The following WASF2 variants were observed in gnomAD, a reference collection of about 807,000 sequenced individuals.
WASF2 encodes the protein actin-binding protein WASF2.
WASF2 carries 14 observed loss-of-function variants against 45.0 expected under a neutral mutation model. That is an observed-to-expected ratio of 0.31 (90% CI 0.21 to 0.49). WASF2 has a LOEUF of 0.49. Among genes scored for constraint, WASF2 ranks in the 20% least tolerant of loss-of-function variants. WASF2 has a pLI of 0.99. For missense variants in WASF2, 439 were observed against 636.1 expected (o/e 0.69, Z 3.33); for synonymous variants, 200 against 236.3 (o/e 0.85, Z 1.41).
At chr1:27,448,064 C>T (rs1223024824) in intron 1 of WASF2, among the ~76,000 whole-genome samples, 4 of 152,190 alleles carry the variant, frequency 2.6e-5, no homozygotes, top group Non-Finnish European at 2.9e-5. Context: ...ACACACCCCG[C>T]GGGAGGATGG....
At chr1:27,411,906 C>CT (rs2016766025) in intron 7 of WASF2, among the ~76,000 whole-genome samples, 4 of 152,140 alleles carry the variant, frequency 2.6e-5, no homozygotes, top group Admixed American at 2.6e-4. Flanking sequence ...AAGGAAAAAA[C>CT]AAGAAAGAAG....
intron 1 of WASF2, among the ~76,000 whole-genome samples, chr1:27,454,312 T>C (rs937555206): frequency 2.0e-5 from 3 of 150,536 alleles, no homozygotes; most frequent in African/African-American, 7.3e-5. Flanking sequence ...TACTTCAGCC[T>C]CCTGAGTAGC....
intron 5 of WASF2, among the ~76,000 whole-genome samples, chr1:27,415,449 C>A (rs1384868690): frequency 1.3e-5 from 2 of 152,210 alleles, no homozygotes; most frequent in African/African-American, 4.8e-5. Flanking sequence ...GGCCTCCTGG[C>A]AGCCATGCTA....
At chr1:27,471,673 C>CA (rs1170624041) in intron 1 of WASF2, among the ~76,000 whole-genome samples, 4 of 150,944 alleles carry the variant, frequency 2.6e-5, no homozygotes, top group Admixed American at 6.6e-5. Context: ...AATACAAAAG[C>CA]AAAAAAAAGA....
chr1:27,486,842 C>G (rs1350032166), intron 1 of WASF2, among the ~76,000 whole-genome samples: 1 of 151,318 alleles, frequency 6.6e-6, no homozygotes, highest in Non-Finnish European at 1.5e-5. Flanking sequence ...GAGAATCGCC[C>G]GAACCTGGGA....
At chr1:27,470,589 A>C (rs561139648) in intron 1 of WASF2, among the ~76,000 whole-genome samples, 140 of 151,976 alleles carry the variant, frequency 9.2e-4, no homozygotes, top group Non-Finnish European at 1.8e-3. Flanking sequence ...ATAGTGTTCA[A>C]TAAATGACTG....
chr1:27,429,943 A>G (rs1179167297), intron 1 of WASF2, among the ~76,000 whole-genome samples: 1 of 152,102 alleles, frequency 6.6e-6, no homozygotes, highest in Non-Finnish European at 1.5e-5. Context: ...TTTCTCTTCT[A>G]CCCAACAGCT....
intron 1 of WASF2, among the ~76,000 whole-genome samples, chr1:27,442,801 G>A (rs886461673): frequency 1.3e-5 from 2 of 151,562 alleles, no homozygotes; most frequent in East Asian, 2.0e-4. Context: ...AGGAGTTTGC[G>A]ACCAGCCTGA....
At chr1:27,479,009 G>T (rs1330057857) in intron 1 of WASF2, among the ~76,000 whole-genome samples, 1 of 152,068 alleles carries the variant, frequency 6.6e-6, no homozygotes, top group Non-Finnish European at 1.5e-5. Context: ...GGTTAGGGCC[G>T]GGTGTGGTGG....
intron 1 of WASF2, among the ~76,000 whole-genome samples, chr1:27,474,258 T>C (rs2017734442): frequency 1.3e-5 from 2 of 151,920 alleles, no homozygotes; most frequent in African/African-American, 4.9e-5. Flanking sequence ...CTTGATATTT[T>C]TTCATTAAAA....
chr1:27,422,003 A>C (rs2016914235), intron 2 of WASF2, among the ~76,000 whole-genome samples: 1 of 151,862 alleles, frequency 6.6e-6, no homozygotes. Flanking sequence ...AGAAAAAAGA[A>C]AAATATCTAT....
intron 4 of WASF2, among the ~76,000 whole-genome samples, chr1:27,417,432 T>G (rs1448355275): frequency 1.3e-5 from 2 of 152,194 alleles, no homozygotes; most frequent in African/African-American, 4.8e-5. Flanking sequence ...TGAATCTGAC[T>G]GGTGTCCTTG....
chr1:27,482,888 C>G (rs978856673), intron 1 of WASF2, among the ~76,000 whole-genome samples: 4 of 152,084 alleles, frequency 2.6e-5, no homozygotes, highest in Admixed American at 2.6e-4. Context: ...AGAAATCTAT[C>G]CCCCCAGGAT....
intron 1 of WASF2, among the ~76,000 whole-genome samples, chr1:27,442,298 G>T (rs1350643177): frequency 6.6e-6 from 1 of 151,994 alleles, no homozygotes; most frequent in Admixed American, 6.6e-5. Context: ...GTAATCTCAG[G>T]ACTTTGGGAG....
At chr1:27,486,534 G>T (rs753550065) in intron 1 of WASF2, among the ~76,000 whole-genome samples, 1 of 152,098 alleles carries the variant, frequency 6.6e-6, no homozygotes, top group Non-Finnish European at 1.5e-5. Flanking sequence ...CATGTCAAAA[G>T]CCAAACACAT....
intron 1 of WASF2, among the ~76,000 whole-genome samples, chr1:27,439,714 C>G (rs185574480): frequency 1.5e-4 from 23 of 152,238 alleles, no homozygotes; most frequent in African/African-American, 5.1e-4. Context: ...AAGATCTGAA[C>G]TGGGGCTGGG....
chr1:27,408,741 C>A (rs1006462795), intron 8 of WASF2, among the ~76,000 whole-genome samples: 4 of 151,932 alleles, frequency 2.6e-5, no homozygotes, highest in African/African-American at 7.3e-5. Flanking sequence ...ACAGAACAAA[C>A]CACGATAACA....
intron 1 of WASF2, among the ~76,000 whole-genome samples, chr1:27,484,116 G>A (rs1285528937): frequency 6.6e-6 from 1 of 152,058 alleles, no homozygotes; most frequent in African/African-American, 2.4e-5. Context: ...CTGAATTCAG[G>A]CCCTCAAACC....
At chr1:27,457,880 C>T (rs568259946) in intron 1 of WASF2, among the ~76,000 whole-genome samples, 154 of 152,190 alleles carry the variant, frequency 1.0e-3, no homozygotes, top group African/African-American at 3.5e-3. Context: ...ACCTTTACCT[C>T]CCAAAGTGCT....
Sources: gnomAD v4.1 joint callset for allele counts (sites outside exome capture counted in the v4.1 genomes callset) on GRCh38, gnomAD v4.1.1 for gene constraint, MANE v1.5 for transcripts, NCBI Gene and HGNC (gene_info 2026-07-23, HGNC 2026-07-21) for gene names.